The following EPHA5 variants were observed in gnomAD, a reference collection of about 807,000 sequenced individuals.
EPHA5 encodes ephrin type-A receptor 5.
A neutral mutation model predicts 105.0 loss-of-function variants in EPHA5; 60 were observed. The ratio of observed to expected loss-of-function variants is 0.57; its 90% CI spans 0.46 to 0.71. The LOEUF (loss-of-function observed/expected upper bound fraction) is 0.71. EPHA5 is among the 30% of genes least tolerant of loss of function. The pLI, the probability that EPHA5 is intolerant of heterozygous loss-of-function variation, is 0.00. For synonymous variants in EPHA5, 513 were observed against 449.1 expected, an observed-to-expected ratio of 1.14 and a Z score of -1.80; for missense variants, 1,218 against 1,274.7, an observed-to-expected ratio of 0.96 and a Z score of 0.68.
chr4:65,428,624 ATC>A (rs1724681592), intron 5 of EPHA5, among the ~76,000 whole-genome samples: 1 of 152,114 alleles, frequency 6.6e-6, no homozygotes, highest in Admixed American at 6.6e-5. Context: ...GAGAGACGGT[ATC>A]TGTTTTAATA....
intron 3 of EPHA5, among the ~76,000 whole-genome samples, chr4:65,572,242 A>G (rs1409259853): frequency 6.6e-6 from 1 of 152,156 alleles, no homozygotes; most frequent in Non-Finnish European, 1.5e-5. Context: ...AGGAAAATAA[A>G]TTATTAGAAA....
intron 3 of EPHA5, among the ~76,000 whole-genome samples, chr4:65,557,259 T>TATATA (rs1560693532): frequency 6.3e-5 from 9 of 142,352 alleles, no homozygotes; most frequent in African/African-American, 1.0e-4. Flanking sequence ...TATATATATA[T>TATATA]TCTCACACTT....
intron 2 of EPHA5, among the ~76,000 whole-genome samples, chr4:65,621,252 C>T (rs1745680488): frequency 1.3e-5 from 2 of 152,064 alleles, no homozygotes; most frequent in Admixed American, 6.6e-5. Context: ...TTTACATATG[C>T]CTGTTTTGAC....
At chr4:65,659,730 C>T (rs542063584) in intron 1 of EPHA5, among the ~76,000 whole-genome samples, 33 of 152,156 alleles carry the variant, frequency 2.2e-4, no homozygotes, top group Non-Finnish European at 2.6e-4. Flanking sequence ...TGCAAGCACA[C>T]GCATACATTT....
chr4:65,669,753 C>A lies in EPHA5; in HGVS notation c.-11G>T, dbSNP rs558661344. On this transcript the variant is annotated 5_prime_UTR_variant, in exon 1 of 17. Transcript: ENST00000613740. ...CCCCGAGCCCCGCATCTTCTCCGAG[C>A]CTCCTCCGGTGCCGCTGTCCCGAGC... is the stretch of plus-strand genomic sequence containing the variant. 7.1e-5 allele frequency: 89 copies of A among 1,252,618 alleles called. No homozygotes were observed. In the East Asian group the frequency reaches 2.3e-3, roughly 32 times the overall value. The allele number at this position is 1,252,618 out of a possible 1,614,324, so 77.6% of individuals were successfully genotyped here.
chr4:65,361,864 C>T (rs1038770459), intron 11 of EPHA5, among the ~76,000 whole-genome samples: 2 of 151,468 alleles, frequency 1.3e-5, no homozygotes, highest in African/African-American at 2.4e-5. Flanking sequence ...ATAGATCTTC[C>T]TTTGGTCAGT....
intron 2 of EPHA5, among the ~76,000 whole-genome samples, chr4:65,611,630 T>C (rs188717047): frequency 1.5e-4 from 23 of 152,056 alleles, no homozygotes; most frequent in Admixed American, 9.2e-4. Context: ...CTGCCTGTGC[T>C]CTCTGTTCTT....
intron 3 of EPHA5, among the ~76,000 whole-genome samples, chr4:65,545,571 A>G (rs1270096366): frequency 6.6e-6 from 1 of 151,938 alleles, no homozygotes; most frequent in South Asian, 2.1e-4. Context: ...AGTACAATGA[A>G]TTGACATAAT....
chr4:65,613,971 A>C (rs1369666926), intron 2 of EPHA5, among the ~76,000 whole-genome samples: 1 of 151,946 alleles, frequency 6.6e-6, no homozygotes, highest in Non-Finnish European at 1.5e-5. Flanking sequence ...ATTTTGTTGC[A>C]CTTTAATATT....
intron 8 of EPHA5, among the ~76,000 whole-genome samples, chr4:65,370,689 T>C (rs1484929958): frequency 6.6e-6 from 1 of 152,020 alleles, no homozygotes; most frequent in African/African-American, 2.4e-5. Flanking sequence ...CATAAGAAAA[T>C]GACTTGGAAA....
chr4:65,353,628 A>G (rs1268488932), intron 11 of EPHA5, among the ~76,000 whole-genome samples: 1 of 151,758 alleles, frequency 6.6e-6, no homozygotes, highest in Non-Finnish European at 1.5e-5. Flanking sequence ...AAATAATGAT[A>G]TAATGTATCC....
intron 8 of EPHA5, among the ~76,000 whole-genome samples, chr4:65,374,235 C>A (rs1221434978): frequency 6.6e-6 from 1 of 151,784 alleles, no homozygotes; most frequent in African/African-American, 2.4e-5. Flanking sequence ...AAACTTTAGG[C>A]GTCTGAGTTT....
At chr4:65,532,841 T>C (rs1198900366) in intron 3 of EPHA5, among the ~76,000 whole-genome samples, 1 of 151,900 alleles carries the variant, frequency 6.6e-6, no homozygotes, top group Non-Finnish European at 1.5e-5. Flanking sequence ...TAATGGTCTC[T>C]TTAAGAGTAA....
Position 65,554,981 on chromosome 4 carries a change from C to CAAAAA in EPHA5, c.910+46655_910+46659dup, listed in dbSNP as rs71205383. Among the ~76,000 whole-genome samples the CAAAAA allele has an allele frequency of 1.4e-3, 127 of 92,546 alleles. 3 individuals carry two copies. Among genetic ancestry groups the CAAAAA allele is most frequent in the East Asian group, 2.8e-3 (7 of 2,530 alleles). 60.7% of individuals were successfully genotyped at this position (92,546 alleles called of 152,430 possible). On this transcript the variant is annotated intron_variant, in intron 3 of 16. Coordinates refer to ENST00000613740, the MANE Select transcript of EPHA5 (RefSeq NM_001281766.3). ...TTATCACTTCACCCCTATACAACAG[C>CAAAAA]AAAAAAAAAAAAAAAAAAAAAAAAA...
intron 1 of EPHA5, among the ~76,000 whole-genome samples, chr4:65,650,596 C>A (rs975101171): frequency 2.7e-5 from 4 of 145,988 alleles, no homozygotes; most frequent in Non-Finnish European, 4.5e-5. Context: ...GTTGTTCTAT[C>A]CAAATATCTG....
intron 3 of EPHA5, among the ~76,000 whole-genome samples, chr4:65,506,311 C>T (rs1046199353): frequency 1.3e-5 from 2 of 150,942 alleles, no homozygotes; most frequent in East Asian, 2.0e-4. Flanking sequence ...AATAAACATA[C>T]GTGTGCATGT....
chr4:65,518,338 C>A (rs1252570462), intron 3 of EPHA5, among the ~76,000 whole-genome samples: 5 of 151,638 alleles, frequency 3.3e-5, no homozygotes, highest in African/African-American at 9.7e-5. Flanking sequence ...TAAATTAGAG[C>A]CCCCAAATCA....
chr4:65,339,477 T>C (rs954815935), intron 14 of EPHA5, among the ~76,000 whole-genome samples: 5 of 152,244 alleles, frequency 3.3e-5, no homozygotes, highest in African/African-American at 9.6e-5. Flanking sequence ...AAACAAAGTA[T>C]AATGAAACCA....
At chr4:65,336,340 T>G (rs1721185636) in intron 14 of EPHA5, among the ~76,000 whole-genome samples, 1 of 152,140 alleles carries the variant, frequency 6.6e-6, no homozygotes, top group Non-Finnish European at 1.5e-5. Context: ...ATAGGCTTTC[T>G]TCACGTATTA....
Sources: gnomAD v4.1 joint callset for allele counts (sites outside exome capture counted in the v4.1 genomes callset) on GRCh38, gnomAD v4.1.1 for gene constraint, MANE v1.5 for transcripts, NCBI Gene and HGNC (gene_info 2026-07-23, HGNC 2026-07-21) for gene names.